Variants in CNBD1 observed in about 807,000 individuals in gnomAD.
The protein encoded by CNBD1 is cyclic nucleotide-binding domain-containing protein 1.
A neutral mutation model predicts 54.4 loss-of-function variants in CNBD1; 71 were observed. That is an observed-to-expected ratio of 1.30 (90% CI 1.08 to 1.59). The LOEUF is 1.59. CNBD1 is among the 40% of genes most tolerant of loss of function. The probability of loss-of-function intolerance (pLI) is 0.00; values close to 1 mark genes in which losing one functional copy is unlikely to be tolerated. For synonymous variants in CNBD1, 182 were observed against 170.7 expected (o/e 1.07, Z -0.51); for missense variants, 659 against 518.0 (o/e 1.27, Z -2.64).
At chr8:87,091,152 A>AT in intron 4 of CNBD1, among the ~76,000 whole-genome samples, 1 of 151,880 alleles carries the variant, frequency 6.6e-6, no homozygotes, top group African/African-American at 2.4e-5. Context: ...AAAAAAAAAA[A>AT]AAAAAAAAGT....
At chr8:87,374,278 T>C (rs1195823916) in intron 10 of CNBD1, among the ~76,000 whole-genome samples, 3 of 151,820 alleles carry the variant, frequency 2.0e-5, no homozygotes, top group Non-Finnish European at 4.4e-5. Flanking sequence ...ATTTCTGATA[T>C]CAAATCCTTG....
chr8:86,952,252 T>A (rs890685289), intron 4 of CNBD1, among the ~76,000 whole-genome samples: 1 of 152,202 alleles, frequency 6.6e-6, no homozygotes, highest in Non-Finnish European at 1.5e-5. Context: ...CAAGACTTCC[T>A]GAGGCTGTGC....
At chr8:86,913,180 A>G (rs1809130443) in intron 3 of CNBD1, among the ~76,000 whole-genome samples, 1 of 152,150 alleles carries the variant, frequency 6.6e-6, no homozygotes, top group African/African-American at 2.4e-5. Flanking sequence ...AGTGTAGCCT[A>G]AGTGTACAGT....
In CNBD1 at chr8:87,332,647, T is replaced by C. The variant is rs115767850; in HGVS notation, c.1043-19038T>C. 9.7e-3 allele frequency among the ~76,000 whole-genome samples: 1,477 copies of C among 152,268 alleles called. 20 individuals carry two copies. The highest frequency in any genetic ancestry group is 0.033 in the African/African-American group (1,354 of 41,552). On this transcript the variant is annotated intron_variant, in intron 8 of 10. Transcript: ENST00000518476. ...TTTATTGTAGGGAATCCTTTCCCCATTGCTTGATTTTATTAGGTTTGTCGA... is the reference window on the plus strand; with the variant it reads ...TTTATTGTAGGGAATCCTTTCCCCACTGCTTGATTTTATTAGGTTTGTCGA...
At chr8:86,937,029 A>G (rs62529576) in intron 3 of CNBD1, among the ~76,000 whole-genome samples, 45,157 of 152,030 alleles carry the variant, frequency 0.3, 6,927 homozygotes, top group East Asian at 0.38. Context: ...CTGTTCTCAC[A>G]CTGCTAATAA....
chr8:87,366,151 CA>C (rs1169067820), intron 10 of CNBD1, among the ~76,000 whole-genome samples: 1 of 152,036 alleles, frequency 6.6e-6, no homozygotes, highest in Non-Finnish European at 1.5e-5. Flanking sequence ...AAACAATACT[CA>C]TTTATCATCT....
chr8:87,289,268 T>G (rs1453850134), intron 8 of CNBD1, among the ~76,000 whole-genome samples: 2 of 152,162 alleles, frequency 1.3e-5, no homozygotes, highest in Non-Finnish European at 2.9e-5. Flanking sequence ...GTAAAGCTTG[T>G]ATCTGACTCT....
At chr8:87,238,070 T>C (rs536383021) in intron 6 of CNBD1, among the ~76,000 whole-genome samples, 2 of 152,224 alleles carry the variant, frequency 1.3e-5, no homozygotes, top group Non-Finnish European at 1.5e-5. Context: ...AGACCGATTT[T>C]TTTTTTTTAA....
At chr8:86,976,187 CTTTTTTTT>C (rs71277906) in intron 4 of CNBD1, among the ~76,000 whole-genome samples, 2 of 83,476 alleles carry the variant, frequency 2.4e-5, no homozygotes, top group African/African-American at 4.7e-5. Context: ...GTGCATTGAC[CTTTTTTTT>C]TTTTTTTTTT....
At chr8:87,425,657 G>C (rs945648629) in intron 2 of CNBD1, among the ~76,000 whole-genome samples, 1 of 152,140 alleles carries the variant, frequency 6.6e-6, no homozygotes, top group African/African-American at 2.4e-5. Context: ...GGACCCACTT[G>C]AGGAGGCAGT....
At chr8:86,908,704 G>C (rs1242387372) in intron 3 of CNBD1, among the ~76,000 whole-genome samples, 1 of 151,962 alleles carries the variant, frequency 6.6e-6, no homozygotes, top group African/African-American at 2.4e-5. Context: ...TATGTTTAAA[G>C]GGGGCTGTGA....
chr8:87,149,481 G>A (rs984459005), intron 4 of CNBD1, among the ~76,000 whole-genome samples: 4 of 152,288 alleles, frequency 2.6e-5, no homozygotes, highest in East Asian at 1.9e-4. Context: ...CTGTGCACAG[G>A]AAGAAATGTA....
At chr8:87,198,429 C>T (rs536888402) in intron 4 of CNBD1, among the ~76,000 whole-genome samples, 27 of 152,132 alleles carry the variant, frequency 1.8e-4, no homozygotes, top group African/African-American at 6.5e-4. Flanking sequence ...GTTTAGTTTT[C>T]AACAAAAATT....
At chr8:87,265,936 T>G (rs1015938131) in intron 6 of CNBD1, among the ~76,000 whole-genome samples, 88 of 152,208 alleles carry the variant, frequency 5.8e-4, no homozygotes, top group South Asian at 8.3e-4. Flanking sequence ...TCCCAGAAAC[T>G]TAGGTAATAA....
chr8:87,058,760 T>G (rs1810479455), intron 4 of CNBD1, among the ~76,000 whole-genome samples: 1 of 152,210 alleles, frequency 6.6e-6, no homozygotes, highest in Admixed American at 6.5e-5. Flanking sequence ...CTTTCCTTCC[T>G]GGGTCTGTGA....
intron 4 of CNBD1, among the ~76,000 whole-genome samples, chr8:86,982,564 T>G (rs941675218): frequency 2.6e-5 from 4 of 152,240 alleles, no homozygotes; most frequent in African/African-American, 9.6e-5. Flanking sequence ...CATTGAATTA[T>G]CTTTGTAAGT....
intron 8 of CNBD1, among the ~76,000 whole-genome samples, chr8:87,332,583 C>T (rs2130911533): frequency 6.6e-6 from 1 of 152,234 alleles, no homozygotes; most frequent in Non-Finnish European, 1.5e-5. Flanking sequence ...GATCCAGTTT[C>T]AGTTTTCTGC....
chr8:87,396,919 A>C (rs999004629), intron 2 of CNBD1, among the ~76,000 whole-genome samples: 1 of 148,764 alleles, frequency 6.7e-6, no homozygotes, highest in South Asian at 2.1e-4. Context: ...TAGTTCTTTA[A>C]ATCATCTGGA....
At chr8:86,972,902 T>C (rs1808257067) in intron 4 of CNBD1, among the ~76,000 whole-genome samples, 1 of 152,162 alleles carries the variant, frequency 6.6e-6, no homozygotes, top group African/African-American at 2.4e-5. Flanking sequence ...CAAGGACCCA[T>C]ATTTTCCGTT....
Sources: gnomAD v4.1 joint callset for allele counts (sites outside exome capture counted in the v4.1 genomes callset) on GRCh38, gnomAD v4.1.1 for gene constraint, MANE v1.5 for transcripts, NCBI Gene and HGNC (gene_info 2026-07-23, HGNC 2026-07-21) for gene names.